TMC5: variants seen among roughly 807,000 people sequenced by gnomAD.
TMC5 encodes the protein transmembrane channel like 5, also known as transmembrane channel-like protein 5.
TMC5 carries 86 observed loss-of-function variants against 110.5 expected under a neutral mutation model. That is an observed-to-expected ratio of 0.78 (90% CI 0.65 to 0.93). The LOEUF (loss-of-function observed/expected upper bound fraction) is 0.93. Among genes scored for constraint, TMC5 ranks in the 40% least tolerant of loss-of-function variants. The pLI is 0.00. For missense variants in TMC5, 1,144 were observed against 1,222.8 expected (o/e 0.94, Z 0.96); for synonymous variants, 455 against 439.5 (o/e 1.04, Z -0.44).
Position 19,466,869 on chromosome 16 carries a change from G to A in TMC5, c.1637+636G>A, listed in dbSNP as rs186453652. ...TGGAAAATACACATATGAAAGGCTG[G>A]GCACGGTGCTCATGCCTGTAATCTT... On this transcript the variant is annotated intron_variant, in intron 9 of 21. Transcript: ENST00000542583. Among the ~76,000 whole-genome samples, 102 of 152,256 alleles carry A rather than the reference G, an allele frequency of 6.7e-4. 1 individual carries two copies. The highest frequency in any genetic ancestry group is 5.3e-3 in the Admixed American group (81 of 15,278).
chr16:19,422,241 A>AG (rs958631071), intron 1 of TMC5, among the ~76,000 whole-genome samples: 7 of 151,844 alleles, frequency 4.6e-5, no homozygotes, highest in African/African-American at 7.2e-5. Flanking sequence ...AAAAAAAAAA[A>AG]AGAGAGAGAG....
At chr16:19,485,112 CTTTT>C (rs35687638) in intron 15 of TMC5, among the ~76,000 whole-genome samples, 3 of 127,294 alleles carry the variant, frequency 2.4e-5, no homozygotes, top group East Asian at 2.2e-4. Flanking sequence ...TATTATTTGC[CTTTT>C]TTTTTTTTTT....
At chr16:19,419,251 G>A (rs62023759) in intron 1 of TMC5, among the ~76,000 whole-genome samples, 31,612 of 151,942 alleles carry the variant, frequency 0.21, 3,783 homozygotes, top group African/African-American at 0.33. Context: ...CCCTGTGCCT[G>A]GCATGCATGT....
intron 4 of TMC5, among the ~76,000 whole-genome samples, chr16:19,445,887 C>T (rs1967602828): frequency 6.6e-6 from 1 of 151,832 alleles, no homozygotes; most frequent in Admixed American, 6.6e-5. Flanking sequence ...TGGTGGCACA[C>T]ACCTGGGGTC....
At chr16:19,429,656 A>G (rs143360763) in intron 1 of TMC5, among the ~76,000 whole-genome samples, 62 of 152,354 alleles carry the variant, frequency 4.1e-4, no homozygotes, top group African/African-American at 1.3e-3. Flanking sequence ...TGCAAAAAGA[A>G]TGGGAGCTTC....
chr16:19,411,895 A>G (rs1966856692), intron 1 of TMC5, among the ~76,000 whole-genome samples: 1 of 152,214 alleles, frequency 6.6e-6, no homozygotes, highest in African/African-American at 2.4e-5. Context: ...AAGAGGTTGA[A>G]TAAGTCACCC....
At position 19,481,570 on chromosome 16, in the gene TMC5, G is replaced by T. The variant is rs535213171; in HGVS notation, c.2363+105G>T. Reference sequence around the variant, plus strand: ...ATCTGTTGTTTTTAAAGCTGCAGGGGTGATAACCCATCCAGCCAGTCTGAG... The same window carrying T: ...ATCTGTTGTTTTTAAAGCTGCAGGGTTGATAACCCATCCAGCCAGTCTGAG... On this transcript the variant is annotated intron_variant, in intron 15 of 21. Transcript: ENST00000542583. 3.7e-5 allele frequency: 30 copies of T among 821,476 alleles called. 2 individuals are homozygous for T. The South Asian group carries it at 3.8e-4, about 10-fold the overall frequency. The allele number at this position is 821,476 out of a possible 1,614,324, so 50.9% of individuals were successfully genotyped here. A position where few individuals can be genotyped will look rare whatever the true frequency, so the allele number is the denominator to read the frequency against.
At chr16:19,493,445 GTC>G (rs758091886) in intron 19 of TMC5, among the ~76,000 whole-genome samples, 1,606 of 58,284 alleles carry the variant, frequency 0.028, 30 homozygotes, top group African/African-American at 0.077. Flanking sequence ...TTTGGTTAAT[GTC>G]TCTCTCTCTC....
intron 5 of TMC5, among the ~76,000 whole-genome samples, chr16:19,453,356 A>G (rs1351470522): frequency 6.6e-6 from 1 of 152,078 alleles, no homozygotes; most frequent in African/African-American, 2.4e-5. Context: ...TGGGAGGCCT[A>G]GGCGGGTGGA....
chr16:19,442,302 G>A (rs1967506727), intron 3 of TMC5, among the ~76,000 whole-genome samples: 3 of 147,996 alleles, frequency 2.0e-5, no homozygotes. Context: ...GATTTTTCAT[G>A]TTCACGTTGC....
chr16:19,479,302 G>C (rs1968559493), intron 13 of TMC5, 129 bp from the exon 14 acceptor site: 1 of 749,476 alleles, frequency 1.3e-6, no homozygotes, highest in East Asian at 2.5e-5. Flanking sequence ...CTACTTTTTT[G>C]AGTACACAAG....
intron 5 of TMC5, 30 bp from the exon 6 acceptor site, chr16:19,460,205 G>C: frequency 1.3e-6 from 2 of 1,553,788 alleles, no homozygotes; most frequent in Non-Finnish European, 1.8e-6. Flanking sequence ...AAAGAAAAAA[G>C]AAATTAAATT....
At chr16:19,463,749 C>A in intron 7 of TMC5, 27 bp from the exon 8 acceptor site, 1 of 1,608,838 alleles carries the variant, frequency 6.2e-7, no homozygotes, top group South Asian at 1.1e-5. Context: ...AACAGCAAGC[C>A]ACACCTGCTT....
intron 5 of TMC5, 67 bp downstream of exon 5, chr16:19,449,698 C>CG: frequency 7.1e-7 from 1 of 1,407,936 alleles, no homozygotes; most frequent in Non-Finnish European, 1.0e-6. Flanking sequence ...CCCCATGTGT[C>CG]GGGGGAGAGA....
chr16:19,422,416 G>C (rs1168243707), intron 1 of TMC5, among the ~76,000 whole-genome samples: 1 of 152,152 alleles, frequency 6.6e-6, no homozygotes, highest in African/African-American at 2.4e-5. Flanking sequence ...CACTTTCCAG[G>C]TGTCTCCGTT....
intron 18 of TMC5, among the ~76,000 whole-genome samples, chr16:19,491,878 A>G (rs1968916716): frequency 6.6e-6 from 1 of 152,166 alleles, no homozygotes; most frequent in Non-Finnish European, 1.5e-5. Flanking sequence ...TTAAGAAAGC[A>G]ATACCTGCTT....
chr16:19,492,375 T>C (rs1382477849), intron 19 of TMC5, 147 bp downstream of exon 19: 1 of 445,232 alleles, frequency 2.2e-6, no homozygotes, highest in Admixed American at 4.0e-5. Context: ...TATTCTTATT[T>C]CATCTACACT....
rs1567313858 is a variant in TMC5, at chr16:19,463,933, TC to T, written c.1396del (p.Leu466Ter). On this transcript the variant is annotated frameshift_variant, in exon 8 of 22. Coordinates refer to ENST00000542583, the MANE Select transcript of TMC5 (RefSeq NM_001261841.2). LOFTEE classifies it high-confidence loss of function. ...WLLKFNIFSF[I>X]LNFSFIIIPQ... The stretch of plus-strand genomic sequence containing the variant: ...TTGAAGTTCAACATTTTCTCATTCA[TC>T]CTGAACTTCAGCTTCATCATAATCC... 6.2e-7 allele frequency: 1 copy of T among 1,614,180 alleles called. No homozygotes were observed. The highest frequency in any genetic ancestry group is 8.5e-7 in the Non-Finnish European group (1 of 1,180,024).
chr16:19,490,618 G>A, intron 18 of TMC5, 50 bp downstream of exon 18: 2 of 1,594,642 alleles, frequency 1.3e-6, no homozygotes, highest in Non-Finnish European at 8.6e-7. Context: ...GAGCTCTCGA[G>A]GGAAACAGCA....
Sources: allele counts gnomAD v4.1 joint callset (sites outside exome capture counted in the v4.1 genomes callset), GRCh38; gene constraint gnomAD v4.1.1; transcripts MANE v1.5; gene names NCBI Gene and HGNC (gene_info 2026-07-23, HGNC 2026-07-21).